TBC1D30: variants seen among roughly 807,000 people sequenced by gnomAD.
The protein encoded by TBC1D30 is TBC1 domain family member 30.
A neutral mutation model predicts 63.2 loss-of-function variants in TBC1D30; 31 were observed. The observed-to-expected ratio is 0.49, with a 90% CI of 0.37 to 0.66. TBC1D30 has a LOEUF of 0.66. Ranked by LOEUF, TBC1D30 falls within the 30% of genes least tolerant of loss-of-function variation. TBC1D30 has a pLI of 0.00. For synonymous variants in TBC1D30, 307 were observed against 361.5 expected, an observed-to-expected ratio of 0.85 and a Z score of 1.71; for missense variants, 810 against 953.6, an observed-to-expected ratio of 0.85 and a Z score of 1.98.
chr12:64,866,751 T>C lies in TBC1D30; in HGVS notation c.1152-13T>C. 1 of 1,533,182 alleles carries C rather than the reference T, an allele frequency of 6.5e-7. No individual in the cohort carries two copies. The highest frequency in any genetic ancestry group is 1.4e-5 in the African/African-American group (1 of 72,950). The allele number at this position is 1,533,182 out of a possible 1,614,324, so 95.0% of individuals were successfully genotyped here. A position where few individuals can be genotyped will look rare whatever the true frequency, so the allele number is the denominator to read the frequency against. On this transcript the variant is annotated splice_polypyrimidine_tract_variant and intron_variant, in intron 9 of 11. Coordinates refer to ENST00000539867, the MANE Select transcript of TBC1D30 (RefSeq NM_015279.2). ...CTTTGTATATTTCTTTTTTGTCTTTTATGTTTTCCAAGACGACATAGTAAG... is the reference window on the plus strand; with the variant it reads ...CTTTGTATATTTCTTTTTTGTCTTTCATGTTTTCCAAGACGACATAGTAAG...
intron 8 of TBC1D30, among the ~76,000 whole-genome samples, chr12:64,848,273 C>A (rs547878567): frequency 6.7e-6 from 1 of 148,892 alleles, no homozygotes; most frequent in Non-Finnish European, 1.5e-5. Context: ...CTATGTGTAT[C>A]TTTTTTTTTT....
chr12:64,835,278 C>T (rs1875241347), intron 5 of TBC1D30, among the ~76,000 whole-genome samples: 1 of 152,182 alleles, frequency 6.6e-6, no homozygotes. Flanking sequence ...CAAGAGCATG[C>T]CCCTGCCCTA....
chr12:64,832,839 A>G (rs565489821), intron 5 of TBC1D30, among the ~76,000 whole-genome samples: 5 of 152,284 alleles, frequency 3.3e-5, no homozygotes, highest in East Asian at 1.9e-4. Flanking sequence ...GAGGCCTTTT[A>G]TAGTTCCTTG....
At chr12:64,854,457 T>G (rs2136433009) in intron 8 of TBC1D30, among the ~76,000 whole-genome samples, 1 of 152,138 alleles carries the variant, frequency 6.6e-6, no homozygotes, top group South Asian at 2.1e-4. Flanking sequence ...GTTGTTCTAG[T>G]TATTATTTAT....
intron 8 of TBC1D30, among the ~76,000 whole-genome samples, chr12:64,856,653 T>C (rs1380963095): frequency 6.6e-6 from 1 of 152,220 alleles, no homozygotes; most frequent in African/African-American, 2.4e-5. Context: ...GCACTGGGCC[T>C]TGCCCAAGGC....
At chr12:64,784,475 T>A (rs1358584435) in intron 1 of TBC1D30, among the ~76,000 whole-genome samples, 2 of 151,894 alleles carry the variant, frequency 1.3e-5, no homozygotes, top group African/African-American at 4.8e-5. Flanking sequence ...CTCTTTAGTT[T>A]CTCCATATCC....
chr12:64,767,808 G>GGGGGGT (rs1870774618), intron 1 of TBC1D30, among the ~76,000 whole-genome samples: 1 of 123,810 alleles, frequency 8.1e-6, no homozygotes, highest in Non-Finnish European at 1.7e-5. Context: ...GGGAGGGGGG[G>GGGGGGT]GAGATAGGCT....
At chr12:64,763,665 G>A (rs993335357) in intron 1 of TBC1D30, among the ~76,000 whole-genome samples, 1 of 149,662 alleles carries the variant, frequency 6.7e-6, no homozygotes, top group Non-Finnish European at 1.5e-5. Flanking sequence ...CTAGAGTGCA[G>A]TGGCATGATC....
At chr12:64,851,983 A>G (rs1876914026) in intron 8 of TBC1D30, among the ~76,000 whole-genome samples, 1 of 151,880 alleles carries the variant, frequency 6.6e-6, no homozygotes, top group Admixed American at 6.6e-5. Context: ...GGTGAATCTG[A>G]CGATTATGTG....
At chr12:64,863,214 G>A (rs1877940077) in intron 8 of TBC1D30, among the ~76,000 whole-genome samples, 1 of 152,000 alleles carries the variant, frequency 6.6e-6, no homozygotes, top group South Asian at 2.1e-4. Flanking sequence ...TAACAACCAC[G>A]GGAAAACACC....
At chr12:64,771,552 C>T (rs1333195865) in intron 1 of TBC1D30, among the ~76,000 whole-genome samples, 1 of 152,148 alleles carries the variant, frequency 6.6e-6, no homozygotes, top group Non-Finnish European at 1.5e-5. Flanking sequence ...GTAGCCCAGA[C>T]TCCCATATCA....
At chr12:64,772,639 A>G (rs1047081141) in intron 1 of TBC1D30, among the ~76,000 whole-genome samples, 21 of 152,048 alleles carry the variant, frequency 1.4e-4, no homozygotes, top group African/African-American at 5.1e-4. Context: ...CATGTTGGCC[A>G]GGGTGGTCTT....
At chr12:64,775,567 C>T (rs186843371), upstream of TBC1D30, among the ~76,000 whole-genome samples, 39 of 152,314 alleles carry the variant, frequency 2.6e-4, no homozygotes, top group African/African-American at 8.9e-4. Context: ...TTCAATTCAA[C>T]AAGAAGACCT....
Position 64,835,461 on chromosome 12 carries a change from C to T in TBC1D30, c.595-1029C>T, listed in dbSNP as rs149279517. Among the ~76,000 whole-genome samples, 656 of 152,176 alleles carry T rather than the reference C, an allele frequency of 4.3e-3. 8 individuals are homozygous for T. Among genetic ancestry groups the T allele is most frequent in the African/African-American group, 0.014 (600 of 41,512 alleles). On this transcript the variant is annotated intron_variant, in intron 5 of 11. Coordinates refer to ENST00000539867, the MANE Select transcript of TBC1D30 (RefSeq NM_015279.2). Reference sequence around the variant, plus strand: ...AAATGTGAGATAGCTACTTTTCCATCGACATAGAGCCCATTATATATATAG... The same window carrying T: ...AAATGTGAGATAGCTACTTTTCCATTGACATAGAGCCCATTATATATATAG...
chr12:64,866,694 A>G, intron 9 of TBC1D30, 70 bp from the exon 10 acceptor site: 1 of 1,402,652 alleles, frequency 7.1e-7, no homozygotes, highest in African/African-American at 1.4e-5. Context: ...TAAACCATGT[A>G]ACTGTATTAT....
At chr12:64,780,693 G>A in exon 1 of TBC1D30, 1 of 946,140 alleles carries the variant, frequency 1.1e-6, no homozygotes, top group Non-Finnish European at 1.3e-6. Flanking sequence ...GAGCCCGCTG[G>A]CGCCGCGCCC....
chr12:64,831,363 AAT>A (rs1203182074), intron 4 of TBC1D30, among the ~76,000 whole-genome samples: 1 of 152,244 alleles, frequency 6.6e-6, no homozygotes, highest in African/African-American at 2.4e-5. Context: ...GGAATTTTAG[AAT>A]ATGTTTCGCA....
At chr12:64,795,743 G>T in intron 2 of TBC1D30, among the ~76,000 whole-genome samples, 1 of 147,364 alleles carries the variant, frequency 6.8e-6, no homozygotes. Context: ...GTCCTTGCGG[G>T]TTATGATTTA....
intron 2 of TBC1D30, among the ~76,000 whole-genome samples, chr12:64,800,990 A>G (rs900442605): frequency 1.3e-5 from 2 of 152,176 alleles, no homozygotes; most frequent in African/African-American, 4.8e-5. Context: ...ACGGATGAGA[A>G]CTAGGCTTGT....
Sources: allele counts gnomAD v4.1 joint callset (sites outside exome capture counted in the v4.1 genomes callset), GRCh38; gene constraint gnomAD v4.1.1; transcripts MANE v1.5; gene names NCBI Gene and HGNC (gene_info 2026-07-23, HGNC 2026-07-21).